AMPH: variants seen among roughly 807,000 people sequenced by gnomAD.
AMPH encodes amphiphysin (Stiff-Mann syndrome with breast cancer 128kD autoantigen).
In AMPH, 49 loss-of-function variants were observed where a neutral mutation model predicts 99.1. The ratio of observed to expected loss-of-function variants is 0.49; its 90% confidence interval spans 0.39 to 0.63. The LOEUF is 0.63. AMPH is among the 20% of genes least tolerant of loss of function. The pLI, the probability that AMPH is intolerant of heterozygous loss-of-function variation, is 0.00. For synonymous variants in AMPH, 314 were observed against 317.3 expected (o/e 0.99, Z 0.11); for missense variants, 759 against 863.4 (o/e 0.88, Z 1.52).
chr7:38,576,009 A>T (rs1438612828), intron 1 of AMPH, among the ~76,000 whole-genome samples: 2 of 152,150 alleles, frequency 1.3e-5, no homozygotes, highest in East Asian at 3.8e-4. Context: ...TCTTAAAAGG[A>T]GCCTTCGAAT....
intron 8 of AMPH, 23 bp downstream of exon 8, chr7:38,466,150 C>G (rs774494106): frequency 2.5e-6 from 4 of 1,588,214 alleles, no homozygotes; most frequent in African/African-American, 1.4e-5. Context: ...ATTCCATATG[C>G]AAAAATTATC....
chr7:38,626,813 C>CT (rs1794259798), intron 1 of AMPH, among the ~76,000 whole-genome samples: 1 of 152,072 alleles, frequency 6.6e-6, no homozygotes, highest in African/African-American at 2.4e-5. Context: ...CTAAAAGGAA[C>CT]TTAAGCAAAT....
intron 1 of AMPH, among the ~76,000 whole-genome samples, chr7:38,562,135 A>G (rs1791576653): frequency 6.6e-6 from 1 of 152,168 alleles, no homozygotes; most frequent in Non-Finnish European, 1.5e-5. Context: ...ACGTGAGGCT[A>G]AAAGAGAAAA....
At position 38,436,361 on chromosome 7, in the gene AMPH, C is replaced by T. The variant is rs1290928640; in HGVS notation, c.1045G>A (p.Glu349Lys). ...TCAAAGTCCAGATCCAGCAAAGTCTCCTCTTTCTTCACCTCAGGGACTTCA... is the reference window on the plus strand; with the variant it reads ...TCAAAGTCCAGATCCAGCAAAGTCTTCTCTTTCTTCACCTCAGGGACTTCA... ...QNEVPEVKKE[E>K]TLLDLDFDPF... Residue 349 changes from glutamate to lysine, a missense_variant, in exon 12 of 21, where the codon GAG becomes AAG. By Grantham distance (56) the Glu-to-Lys change is moderately conservative. Coordinates refer to ENST00000356264, the MANE Select transcript of AMPH (RefSeq NM_001635.4). 6.2e-7 allele frequency: 1 copy of T among 1,614,002 alleles called. No individual in the cohort carries two copies. Among genetic ancestry groups the T allele is most frequent in the African/African-American group, 1.3e-5 (1 of 74,906 alleles).
At chr7:38,509,926 C>T (rs185815538) in intron 2 of AMPH, among the ~76,000 whole-genome samples, 2 of 151,090 alleles carry the variant, frequency 1.3e-5, no homozygotes, top group Admixed American at 6.6e-5. Flanking sequence ...TCAGACAGCA[C>T]GTACAAGGAC....
chr7:38,554,222 G>A (rs1248173139), intron 1 of AMPH, among the ~76,000 whole-genome samples: 2 of 152,122 alleles, frequency 1.3e-5, no homozygotes, highest in African/African-American at 4.8e-5. Flanking sequence ...ATGATTTCTG[G>A]TGGCTTCCCA....
At chr7:38,549,658 C>T (rs927042352) in intron 1 of AMPH, among the ~76,000 whole-genome samples, 1 of 152,136 alleles carries the variant, frequency 6.6e-6, no homozygotes, top group African/African-American at 2.4e-5. Context: ...TATTTCATGT[C>T]CACAGGGAAA....
At chr7:38,476,834 T>C (rs1377862597) in intron 6 of AMPH, 28 bp downstream of exon 6, 1 of 1,522,586 alleles carries the variant, frequency 6.6e-7, no homozygotes, top group Admixed American at 1.7e-5. Context: ...ATACGGAGAG[T>C]GGTATTCACC....
intron 14 of AMPH, chr7:38,429,637 T>C (rs982145415): frequency 3.3e-5 from 46 of 1,414,300 alleles, no homozygotes; most frequent in Non-Finnish European, 4.0e-5. Flanking sequence ...AAACAGAACA[T>C]GGTAAGATTT....
intron 1 of AMPH, among the ~76,000 whole-genome samples, chr7:38,593,203 C>T (rs1307149574): frequency 6.6e-6 from 1 of 152,132 alleles, no homozygotes; most frequent in East Asian, 1.9e-4. Context: ...AGCATCTTAA[C>T]AATAGGGTAA....
chr7:38,576,601 T>C (rs147981387), intron 1 of AMPH, among the ~76,000 whole-genome samples: 3 of 152,256 alleles, frequency 2.0e-5, no homozygotes, highest in Non-Finnish European at 2.9e-5. Flanking sequence ...ATGATCTTTG[T>C]CTTATTTATC....
At chr7:38,495,791 T>C (rs990049779) in intron 3 of AMPH, among the ~76,000 whole-genome samples, 2 of 152,152 alleles carry the variant, frequency 1.3e-5, no homozygotes, top group Admixed American at 1.3e-4. Context: ...AAAACTATGG[T>C]TTGCAACATT....
At chr7:38,398,365 A>T (rs564781715) in intron 17 of AMPH, among the ~76,000 whole-genome samples, 1 of 152,330 alleles carries the variant, frequency 6.6e-6, no homozygotes, top group African/African-American at 2.4e-5. Context: ...CAGCCATAGA[A>T]AACAATGAGA....
chr7:38,493,465 T>A (rs1045459188), intron 4 of AMPH, among the ~76,000 whole-genome samples: 9 of 152,224 alleles, frequency 5.9e-5, no homozygotes, highest in Admixed American at 3.3e-4. Context: ...ATTTTTTTTT[T>A]ATTTTGTAGA....
At chr7:38,547,021 A>C (rs189198011) in intron 1 of AMPH, among the ~76,000 whole-genome samples, 467 of 152,240 alleles carry the variant, frequency 3.1e-3, no homozygotes, top group African/African-American at 9.8e-3. Flanking sequence ...AGGTGGGAGG[A>C]GGGAGAGCCT....
chr7:38,601,239 C>G (rs961561271), intron 1 of AMPH, among the ~76,000 whole-genome samples: 1 of 152,218 alleles, frequency 6.6e-6, no homozygotes, highest in Non-Finnish European at 1.5e-5. Flanking sequence ...CCCTTCTTCG[C>G]TACTGCAACA....
intron 5 of AMPH, among the ~76,000 whole-genome samples, chr7:38,478,855 A>C (rs147663552): frequency 1.5e-3 from 229 of 152,220 alleles, no homozygotes; most frequent in African/African-American, 4.9e-3. Flanking sequence ...CCATTACTAA[A>C]CTCGAAAAAG....
intron 5 of AMPH, among the ~76,000 whole-genome samples, chr7:38,477,991 A>G (rs916616572): frequency 6.6e-6 from 1 of 152,094 alleles, no homozygotes; most frequent in African/African-American, 2.4e-5. Flanking sequence ...CAGGGAAGGA[A>G]ACTCTCGCTC....
intron 1 of AMPH, among the ~76,000 whole-genome samples, chr7:38,578,157 A>G (rs1414372940): frequency 1.3e-5 from 2 of 152,202 alleles, no homozygotes; most frequent in African/African-American, 4.8e-5. Context: ...CTGCAAAGTC[A>G]GAAAGAAAGA....
Sources: gnomAD v4.1 joint callset for allele counts (sites outside exome capture counted in the v4.1 genomes callset) on GRCh38, gnomAD v4.1.1 for gene constraint, MANE v1.5 for transcripts, NCBI Gene and HGNC (gene_info 2026-07-23, HGNC 2026-07-21) for gene names.